Variants in LEKR1 observed in about 807,000 individuals in gnomAD.
LEKR1 encodes the protein protein LEKR1.
In LEKR1, 59 loss-of-function variants were observed where a neutral mutation model predicts 72.4. The ratio of observed to expected loss-of-function variants is 0.82; its 90% CI spans 0.66 to 1.01. The LOEUF is 1.01. Ranked by LOEUF, LEKR1 falls within the 50% of genes least tolerant of loss-of-function variation. The pLI, the probability that LEKR1 is intolerant of heterozygous loss-of-function variation, is 0.00. For missense variants in LEKR1, 728 were observed against 759.2 expected (o/e 0.96, Z 0.48); for synonymous variants, 257 against 263.2 (o/e 0.98, Z 0.23).
intron 10 of LEKR1, among the ~76,000 whole-genome samples, chr3:157,021,225 A>G (rs1733810566): frequency 6.6e-6 from 1 of 151,950 alleles, no homozygotes; most frequent in African/African-American, 2.4e-5. Flanking sequence ...CCCATTTTAT[A>G]GGTTGCCTGT....
intron 12 of LEKR1, among the ~76,000 whole-genome samples, chr3:157,031,371 A>G (rs1452780661): frequency 1.3e-5 from 2 of 152,158 alleles, no homozygotes; most frequent in Non-Finnish European, 2.9e-5. Context: ...AAGAAAACCA[A>G]TTAAGGGTAT....
At chr3:156,909,104 G>C (rs72485636) in intron 3 of LEKR1, among the ~76,000 whole-genome samples, 1 of 152,020 alleles carries the variant, frequency 6.6e-6, no homozygotes. Flanking sequence ...TCTCGTTGCC[G>C]GCCACCATGT....
chr3:156,827,059 T>A (rs1711706115), intron 1 of LEKR1: 1 of 153,046 alleles, frequency 6.5e-6, no homozygotes, highest in Non-Finnish European at 1.5e-5. Context: ...TCCACATACG[T>A]GCAATGAGAA....
At position 156,835,844 on chromosome 3, in the gene LEKR1, C is replaced by G. The variant is rs1295468665; in HGVS notation, c.48+6467C>G. 7.5e-5 allele frequency among the ~76,000 whole-genome samples: 11 copies of G among 145,954 alleles called. No individual in the cohort carries two copies. The East Asian group carries it at 2.1e-3, about 27-fold the overall frequency. ...CGCTCCCTCCCTCTCTCCCTCCCCC[C>G]AAGTCTTGCTCTGTCTCACTTTTTT... On this transcript the variant is annotated intron_variant, in intron 2 of 12. Coordinates refer to ENST00000356539, the MANE Select transcript of LEKR1 (RefSeq NM_001004316.3).
At chr3:156,842,680 GAGA>G in intron 2 of LEKR1, among the ~76,000 whole-genome samples, 1 of 152,284 alleles carries the variant, frequency 6.6e-6, no homozygotes, top group Non-Finnish European at 1.5e-5. Flanking sequence ...AAAAAGTGTA[GAGA>G]AGAACTATGA....
At chr3:156,971,022 G>C (rs1318435085) in intron 6 of LEKR1, among the ~76,000 whole-genome samples, 2 of 151,582 alleles carry the variant, frequency 1.3e-5, no homozygotes, top group Non-Finnish European at 3.0e-5. Flanking sequence ...AAAAGAGCCC[G>C]CATCGCCAAG....
intron 5 of LEKR1, among the ~76,000 whole-genome samples, chr3:156,929,618 C>T (rs944820326): frequency 6.6e-5 from 10 of 151,724 alleles, no homozygotes; most frequent in African/African-American, 2.4e-4. Context: ...GTTTAATCGC[C>T]GAAAACACAC....
intron 3 of LEKR1, among the ~76,000 whole-genome samples, chr3:156,916,984 A>T (rs913975015): frequency 6.6e-6 from 1 of 152,142 alleles, no homozygotes; most frequent in East Asian, 1.9e-4. Context: ...AAACAAAGAA[A>T]GAGTCTCAAA....
chr3:156,888,766 G>A (rs62275246), intron 3 of LEKR1, among the ~76,000 whole-genome samples: 4,845 of 152,240 alleles, frequency 0.032, 117 homozygotes, highest in Non-Finnish European at 0.047. Flanking sequence ...TTTGTCCAGT[G>A]TTCTCAGGTT....
At chr3:157,028,495 T>C (rs1162323068) in intron 12 of LEKR1, 93 bp downstream of exon 12, 7 of 1,065,692 alleles carry the variant, frequency 6.6e-6, no homozygotes, top group Non-Finnish European at 9.4e-6. Flanking sequence ...CTTAGTTTCA[T>C]GGAAAGAGTC....
At chr3:157,038,934 C>T (rs1285085377) in intron 12 of LEKR1, among the ~76,000 whole-genome samples, 1 of 152,128 alleles carries the variant, frequency 6.6e-6, no homozygotes, top group Non-Finnish European at 1.5e-5. Context: ...CTGTGATGAG[C>T]TACAGCATTT....
chr3:156,939,023 TG>T (rs1233507418), intron 5 of LEKR1, among the ~76,000 whole-genome samples: 4 of 152,230 alleles, frequency 2.6e-5, no homozygotes, highest in Non-Finnish European at 5.9e-5. Context: ...AAGCATGTAT[TG>T]GCTATAAATT....
chr3:156,963,937 TG>T (rs1728337508), intron 6 of LEKR1, among the ~76,000 whole-genome samples: 1 of 152,170 alleles, frequency 6.6e-6, no homozygotes, highest in South Asian at 2.1e-4. Context: ...ACTTCCAGCC[TG>T]GCTGATGGTA....
At chr3:156,895,947 T>G (rs1213747593) in intron 3 of LEKR1, among the ~76,000 whole-genome samples, 1 of 152,138 alleles carries the variant, frequency 6.6e-6, no homozygotes, top group Non-Finnish European at 1.5e-5. Context: ...AGCAAAGATA[T>G]GGAATCAACC....
chr3:156,968,775 A>T (rs1728871077), intron 6 of LEKR1, among the ~76,000 whole-genome samples: 1 of 152,210 alleles, frequency 6.6e-6, no homozygotes, highest in South Asian at 2.1e-4. Flanking sequence ...AGCAGACCTA[A>T]TAGACATCTA....
chr3:156,974,160 A>G (rs1729492242), intron 6 of LEKR1, among the ~76,000 whole-genome samples: 2 of 152,182 alleles, frequency 1.3e-5, no homozygotes, highest in African/African-American at 4.8e-5. Context: ...AAAATGTGGT[A>G]TGTGCACATG....
chr3:156,842,107 C>T (rs1477257930), intron 2 of LEKR1, among the ~76,000 whole-genome samples: 1 of 152,202 alleles, frequency 6.6e-6, no homozygotes, highest in South Asian at 2.1e-4. Flanking sequence ...CCCCATCCCC[C>T]CAGTCCATGG....
intron 5 of LEKR1, among the ~76,000 whole-genome samples, chr3:156,941,609 C>T (rs1489308289): frequency 6.6e-6 from 1 of 151,970 alleles, no homozygotes. Context: ...TCACATAGTC[C>T]AGGATGGGCT....
intron 9 of LEKR1, among the ~76,000 whole-genome samples, chr3:156,995,652 C>T (rs145656749): frequency 0.011 from 1,742 of 152,148 alleles, 36 homozygotes; most frequent in African/African-American, 0.04. Flanking sequence ...GCCAAAATGG[C>T]AAAACCCCAT....
Sources: allele counts gnomAD v4.1 joint callset (sites outside exome capture counted in the v4.1 genomes callset), GRCh38; gene constraint gnomAD v4.1.1; transcripts MANE v1.5; gene names NCBI Gene and HGNC (gene_info 2026-07-23, HGNC 2026-07-21).